Variants in SLIT2 observed in about 807,000 individuals in gnomAD.
SLIT2 encodes the protein slit guidance ligand 2.
In SLIT2, 41 loss-of-function variants were observed where a neutral mutation model predicts 185.7. That is an observed-to-expected ratio of 0.22 (90% CI 0.17 to 0.29). The LOEUF (loss-of-function observed/expected upper bound fraction) is 0.29. Among genes scored for constraint, SLIT2 ranks in the 10% least tolerant of loss-of-function variants. The pLI, the probability that SLIT2 is intolerant of heterozygous loss-of-function variation, is 1.00. For missense variants in SLIT2, 1,571 were observed against 1,909.0 expected, an observed-to-expected ratio of 0.82 and a Z score of 3.30; for synonymous variants, 693 against 680.2, an observed-to-expected ratio of 1.02 and a Z score of -0.29.
intron 11 of SLIT2, 148 bp downstream of exon 11, chr4:20,511,285 G>T (rs1300711111): frequency 3.8e-6 from 2 of 527,562 alleles, no homozygotes; most frequent in Non-Finnish European, 6.8e-6. Context: ...CCACTTCTGG[G>T]TCCCATTATT....
At chr4:20,416,995 AT>A (rs1290584933) in intron 4 of SLIT2, among the ~76,000 whole-genome samples, 1 of 148,338 alleles carries the variant, frequency 6.7e-6, no homozygotes, top group Admixed American at 6.8e-5. Flanking sequence ...AGTGCGACAC[AT>A]TTAAATGTGA....
chr4:20,284,459 A>G (rs10938788), intron 4 of SLIT2, among the ~76,000 whole-genome samples: 40,461 of 152,152 alleles, frequency 0.27, 6,508 homozygotes, highest in East Asian at 0.73. Flanking sequence ...TGAGTGCTCA[A>G]ATATTCATAG....
Position 20,538,436 on chromosome 4 carries a change from C to T in SLIT2, c.1833-1005C>T, listed in dbSNP as rs183456497. Among the ~76,000 whole-genome samples the T allele has an allele frequency of 2.9e-3, 424 of 147,660 alleles. 1 individual carries two copies. Among genetic ancestry groups the T allele is most frequent in the Admixed American group, 5.1e-3 (75 of 14,820 alleles). On this transcript the variant is annotated intron_variant, in intron 18 of 36. Coordinates refer to ENST00000504154, the MANE Select transcript of SLIT2 (RefSeq NM_004787.4). ...GAGAGCATCATCTTATCTGTGACTT[C>T]GCAGAATGCAAACGTTTATATTTCT...
At chr4:20,461,716 T>A (rs1413033927) in intron 4 of SLIT2, among the ~76,000 whole-genome samples, 1 of 152,204 alleles carries the variant, frequency 6.6e-6, no homozygotes, top group Non-Finnish European at 1.5e-5. Flanking sequence ...AAGATTGTGA[T>A]ATGTCAGTGA....
rs2108996947 is a variant in SLIT2 at position 20,252,065 on chromosome 4, G to T, written c.-1751G>T. ...CATGGGAGCGCCGAAGCGCCCAGGC[G>T]CAGGCCGAAGCTGCCGCGCTTTCTG... is the stretch of plus-strand genomic sequence containing the variant. On this transcript the variant is annotated 5_prime_UTR_variant, in exon 1 of 37. Coordinates refer to ENST00000504154, the MANE Select transcript of SLIT2 (RefSeq NM_004787.4). Among the ~76,000 whole-genome samples the T allele has an allele frequency of 6.6e-6, 1 of 152,214 alleles. No homozygotes were observed. Among genetic ancestry groups the T allele is most frequent in the East Asian group, 1.9e-4 (1 of 5,130 alleles).
In SLIT2 at chr4:20,577,990, T is replaced by A. The variant is rs1281024268; in HGVS notation, c.3088+8986T>A. Among the ~76,000 whole-genome samples, 5 of 152,196 alleles carry A rather than the reference T, an allele frequency of 3.3e-5. No homozygotes were observed. The East Asian group carries it at 9.6e-4, about 29-fold the overall frequency. On this transcript the variant is annotated intron_variant, in intron 29 of 36. Transcript: ENST00000504154. ...GGCATAAAAATACAGTAGGGAAATCTGGAAATGAACAGTCTACCCATCTCA... is the reference window on the plus strand; with the variant it reads ...GGCATAAAAATACAGTAGGGAAATCAGGAAATGAACAGTCTACCCATCTCA...
At chr4:20,535,201 A>G (rs547732019) in intron 18 of SLIT2, among the ~76,000 whole-genome samples, 4 of 152,148 alleles carry the variant, frequency 2.6e-5, no homozygotes, top group Admixed American at 1.3e-4. Context: ...CGGGAGGCTG[A>G]GGCAGAAGAA....
chr4:20,437,501 G>A (rs1430624938), intron 4 of SLIT2, among the ~76,000 whole-genome samples: 1 of 152,116 alleles, frequency 6.6e-6, no homozygotes, highest in Non-Finnish European at 1.5e-5. Flanking sequence ...TGGGGTCCCA[G>A]CACCCAGAGA....
intron 3 of SLIT2, among the ~76,000 whole-genome samples, chr4:20,262,757 G>A (rs139854031): frequency 5.3e-5 from 8 of 151,918 alleles, no homozygotes; most frequent in Non-Finnish European, 1.0e-4. Context: ...AAGCAATGTG[G>A]TCAATTTTAA....
Position 20,297,680 on chromosome 4 carries a change from T to A in SLIT2, c.395+28799T>A, listed in dbSNP as rs563232198. On this transcript the variant is annotated intron_variant, in intron 4 of 36. Coordinates refer to ENST00000504154, the MANE Select transcript of SLIT2 (RefSeq NM_004787.4). Reference sequence around the variant, plus strand: ...CAATATGTATTCTTATTGCTAATTTTAAAAAAAATCTCATGGGTTTTTGTG... The same window carrying A: ...CAATATGTATTCTTATTGCTAATTTAAAAAAAAATCTCATGGGTTTTTGTG... Among the ~76,000 whole-genome samples the A allele has an allele frequency of 4.5e-4, 67 of 148,422 alleles. No individual in the cohort carries two copies. In the East Asian group the frequency reaches 0.01, roughly 23 times the overall value.
chr4:20,374,254 C>T (rs1319408252), intron 4 of SLIT2, among the ~76,000 whole-genome samples: 1 of 152,000 alleles, frequency 6.6e-6, no homozygotes, highest in East Asian at 1.9e-4. Context: ...GCTAGGATTG[C>T]TATATCAAAG....
intron 5 of SLIT2, among the ~76,000 whole-genome samples, chr4:20,478,224 C>A (rs1577740209): frequency 1.3e-5 from 2 of 152,240 alleles, no homozygotes; most frequent in African/African-American, 4.8e-5. Flanking sequence ...ATTGCCCCTT[C>A]ATATGAGTAA....
rs553533326 is a variant in SLIT2, at chr4:20,256,687, T to C, written c.195T>C (p.Asn65=). The C allele has an allele frequency of 2.4e-4, 377 of 1,568,854 alleles. 7 individuals carry two copies. In the South Asian group the frequency reaches 3.8e-3, roughly 16 times the overall value. The change falls in exon 2 of 37, where the codon AAT becomes AAC. Residue 65 remains asparagine (N), a synonymous_variant. Transcript: ENST00000504154. The part of the protein sequence containing the change: ...RNTERLDLNG[N]NITRITKTDF... The stretch of plus-strand genomic sequence containing the variant: ...TTTCTCTTAGGGATTTAAATGGAAA[T>C]AACATCACAAGAATTACGAAGACAG...
chr4:20,344,889 C>G (rs1028372717), intron 4 of SLIT2, among the ~76,000 whole-genome samples: 1 of 151,932 alleles, frequency 6.6e-6, no homozygotes. Context: ...AGATATTTTT[C>G]TCCTCTAATG....
chr4:20,482,450 T>C (rs7340755), intron 6 of SLIT2, among the ~76,000 whole-genome samples: 5,542 of 152,060 alleles, frequency 0.036, 130 homozygotes, highest in East Asian at 0.058. Flanking sequence ...TACCCACAAA[T>C]ACAATAACTA....
At chr4:20,589,967 A>G (rs7686636) in intron 30 of SLIT2, among the ~76,000 whole-genome samples, 7,178 of 133,026 alleles carry the variant, frequency 0.054, 221 homozygotes, top group African/African-American at 0.09. Context: ...GTGCAGTGGC[A>G]CGATCTCGGC....
At chr4:20,397,679 A>G (rs749290507) in intron 4 of SLIT2, among the ~76,000 whole-genome samples, 8 of 151,834 alleles carry the variant, frequency 5.3e-5, no homozygotes, top group Non-Finnish European at 8.8e-5. Context: ...TGCCAATAAT[A>G]TCCTCTGATT....
At chr4:20,524,878 GTAC>G (rs1298012775) in intron 14 of SLIT2, among the ~76,000 whole-genome samples, 2 of 151,854 alleles carry the variant, frequency 1.3e-5, no homozygotes, top group Non-Finnish European at 2.9e-5. Flanking sequence ...TGTCTTTTTG[GTAC>G]TATGCTACCT....
intron 4 of SLIT2, among the ~76,000 whole-genome samples, chr4:20,370,062 A>G (rs1368123923): frequency 6.6e-6 from 1 of 152,090 alleles, no homozygotes; most frequent in Non-Finnish European, 1.5e-5. Context: ...CCAACTGAAT[A>G]AGATTGTCAG....
Sources: gnomAD v4.1 joint callset for allele counts (sites outside exome capture counted in the v4.1 genomes callset) on GRCh38, gnomAD v4.1.1 for gene constraint, MANE v1.5 for transcripts, NCBI Gene and HGNC (gene_info 2026-07-23, HGNC 2026-07-21) for gene names.